ZMYM2: variants seen among roughly 807,000 people sequenced by gnomAD.
The protein encoded by ZMYM2 is zinc finger MYM-type protein 2.
Under a neutral mutation model 162.8 loss-of-function variants are expected in ZMYM2, and 56 were observed. The ratio of observed to expected loss-of-function variants is 0.34; its 90% CI spans 0.28 to 0.43. The LOEUF (loss-of-function observed/expected upper bound fraction) is 0.43. Among genes scored for constraint, ZMYM2 ranks in the 20% least tolerant of loss-of-function variants. The pLI, the probability that ZMYM2 is intolerant of heterozygous loss-of-function variation, is 1.00. For synonymous variants in ZMYM2, 510 were observed against 541.6 expected, an observed-to-expected ratio of 0.94 and a Z score of 0.81; for missense variants, 1,275 against 1,621.8, an observed-to-expected ratio of 0.79 and a Z score of 3.67.
chr13:20,062,821 T>C, intron 17 of ZMYM2, 25 bp from the exon 18 acceptor site: 2 of 1,523,622 alleles, frequency 1.3e-6, no homozygotes, highest in Non-Finnish European at 8.8e-7. Context: ...TTTTGATTCC[T>C]AATGATAATA....
At chr13:20,050,059 T>C (rs2140547160) in intron 12 of ZMYM2, among the ~76,000 whole-genome samples, 1 of 152,164 alleles carries the variant, frequency 6.6e-6, no homozygotes, top group South Asian at 2.1e-4. Flanking sequence ...TCTTGGTTGA[T>C]ATTAAGTGCT....
intron 6 of ZMYM2, among the ~76,000 whole-genome samples, chr13:20,013,370 T>C (rs1009081036): frequency 6.6e-6 from 1 of 152,214 alleles, no homozygotes; most frequent in African/African-American, 2.4e-5. Context: ...TTTTTCTCTT[T>C]ATGAGTTTCA....
chr13:19,915,264 T>TA, the ZMYM2 span, among the ~76,000 whole-genome samples: 1 of 152,010 alleles, frequency 6.6e-6, no homozygotes, highest in African/African-American at 2.4e-5. Context: ...CCCAGGCTTT[T>TA]AAAAAAATTT....
At chr13:19,948,012 A>AC in the ZMYM2 span, among the ~76,000 whole-genome samples, 2 of 71,496 alleles carry the variant, frequency 2.8e-5, no homozygotes, top group African/African-American at 7.0e-5. Context: ...AAAAAAAAAA[A>AC]AAAAGTTACA....
intron 24 of ZMYM2, among the ~76,000 whole-genome samples, chr13:20,085,513 T>C (rs1203900379): frequency 6.6e-6 from 1 of 152,228 alleles, no homozygotes; most frequent in Non-Finnish European, 1.5e-5. Context: ...ATGCACAGTT[T>C]AAATTGTTGC....
chr13:19,890,714 A>T, the ZMYM2 span, among the ~76,000 whole-genome samples: 1 of 150,360 alleles, frequency 6.7e-6, no homozygotes, highest in African/African-American at 2.5e-5. Flanking sequence ...ACTAAAAATT[A>T]AAAAAAAATT....
At chr13:19,966,292 G>A (rs1255411854) in intron 2 of ZMYM2, among the ~76,000 whole-genome samples, 3 of 151,530 alleles carry the variant, frequency 2.0e-5, no homozygotes, top group Non-Finnish European at 4.4e-5. Context: ...GAGCCGCCAC[G>A]CCTGGCTAAT....
At position 20,031,342 on chromosome 13, in the gene ZMYM2, A is replaced by G; in HGVS notation, c.1875A>G (p.Pro625=). The G allele has an allele frequency of 6.2e-7, 1 of 1,609,040 alleles. No individual in the cohort carries two copies. Among genetic ancestry groups the G allele is most frequent in the Non-Finnish European group, 8.5e-7 (1 of 1,178,740 alleles). Residue 625 remains proline, a synonymous_variant, in exon 10 of 25, where the codon CCA becomes CCG. Coordinates refer to ENST00000610343, the MANE Select transcript of ZMYM2 (RefSeq NM_197968.4). ...KFQALSMQSS[P]NGQFVAPSDI... ...AGGCTCTAAGTATGCAGTCATCTCC[A>G]AATGGCCAGTTTGTAGCGCCAAGTG...
chr13:19,885,900 C>T, the ZMYM2 span, among the ~76,000 whole-genome samples: 2 of 97,652 alleles, frequency 2.0e-5, 1 homozygote, highest in African/African-American at 8.9e-5. Flanking sequence ...TGTGTATACA[C>T]ATATATATGT....
chr13:20,049,101 A>G (rs1374730382), intron 12 of ZMYM2, among the ~76,000 whole-genome samples: 1 of 151,986 alleles, frequency 6.6e-6, no homozygotes, highest in East Asian at 1.9e-4. Flanking sequence ...TGGATGTCAA[A>G]GAAACAAAAG....
chr13:19,899,836 A>AAAAAAAAAAAAAAAAAAAG, the ZMYM2 span, among the ~76,000 whole-genome samples: 2 of 120,838 alleles, frequency 1.7e-5, no homozygotes, highest in Admixed American at 8.6e-5. Flanking sequence ...AAAAAAAAAA[A>AAAAAAAAAAAAAAAAAAAG]AAGGAAAACA....
the ZMYM2 span, among the ~76,000 whole-genome samples, chr13:19,876,354 CCTCT>C: frequency 6.7e-6 from 1 of 150,230 alleles, no homozygotes. Flanking sequence ...ATGGAGTCTC[CCTCT>C]GTCACCCAGG....
intron 21 of ZMYM2, among the ~76,000 whole-genome samples, chr13:20,074,076 G>T (rs927583108): frequency 1.3e-5 from 2 of 151,940 alleles, no homozygotes; most frequent in African/African-American, 4.8e-5. Flanking sequence ...CTATGATTTT[G>T]ACTACCATAG....
chr13:19,883,939 T>C, the ZMYM2 span, among the ~76,000 whole-genome samples: 1 of 152,208 alleles, frequency 6.6e-6, no homozygotes, highest in Non-Finnish European at 1.5e-5. Flanking sequence ...GTATTTTTAG[T>C]ACAGACGGGG....
chr13:20,004,421 A>G (rs558854730), intron 4 of ZMYM2, among the ~76,000 whole-genome samples: 2 of 152,102 alleles, frequency 1.3e-5, no homozygotes, highest in African/African-American at 4.8e-5. Context: ...ATGCCTGGCT[A>G]ATTTTTTGTG....
chr13:20,085,832 C>T lies in ZMYM2; in HGVS notation c.3952C>T (p.Leu1318Phe). Reference sequence around the variant, plus strand: ...CTCCCGCCTCCAAAGTCCACAGAATCTTAATCAGAGGATGGATGTTTTTTA... The same window carrying T: ...CTCCCGCCTCCAAAGTCCACAGAATTTTAATCAGAGGATGGATGTTTTTTA... ...ECYLSKSPQN[L>F]NQRMDVFYLQ... is the part of the protein sequence containing the mutation. The change falls in exon 25 of 25, where the codon CTT (leucine) becomes TTT (phenylalanine). Residue 1318 changes from leucine to phenylalanine, a missense_variant. Physicochemically the swap from Leu to Phe is conservative, Grantham distance 22. Transcript: ENST00000610343. 1 of 1,605,674 alleles carries T rather than the reference C, an allele frequency of 6.2e-7. No homozygotes were observed.
At chr13:20,068,943 C>T (rs1956881291) in intron 21 of ZMYM2, among the ~76,000 whole-genome samples, 1 of 152,030 alleles carries the variant, frequency 6.6e-6, no homozygotes, top group East Asian at 1.9e-4. Context: ...AGAAACAAGG[C>T]TTAAAAACAT....
chr13:19,884,413 T>C, the ZMYM2 span, among the ~76,000 whole-genome samples: 54 of 152,074 alleles, frequency 3.6e-4, no homozygotes, highest in African/African-American at 1.3e-3. Context: ...CATCTATGAC[T>C]AACGATACAA....
chr13:19,965,849 C>T (rs1292064425), intron 2 of ZMYM2, among the ~76,000 whole-genome samples: 1 of 145,602 alleles, frequency 6.9e-6, no homozygotes, highest in African/African-American at 2.5e-5. Flanking sequence ...TCTCAGCTCA[C>T]TGCAACCTCC....
Sources: allele counts gnomAD v4.1 joint callset (sites outside exome capture counted in the v4.1 genomes callset), GRCh38; gene constraint gnomAD v4.1.1; transcripts MANE v1.5; gene names NCBI Gene and HGNC (gene_info 2026-07-23, HGNC 2026-07-21).